The following PSD variants were observed in gnomAD, a reference collection of about 807,000 sequenced individuals.
PSD encodes the protein PH and SEC7 domain-containing protein 1.
A neutral mutation model predicts 91.6 loss-of-function variants in PSD; 32 were observed. The ratio of observed to expected loss-of-function variants is 0.35; its 90% CI spans 0.26 to 0.47. The LOEUF (loss-of-function observed/expected upper bound fraction) is 0.47, where lower values mean the gene tolerates loss of function less well. Among genes scored for constraint, PSD ranks in the 20% least tolerant of loss-of-function variants. The probability of loss-of-function intolerance (pLI) is 1.00; values close to 1 mark genes in which losing one functional copy is unlikely to be tolerated. For missense variants in PSD, 1,099 were observed against 1,373.9 expected (o/e 0.80, Z 3.16); for synonymous variants, 532 against 569.3 (o/e 0.93, Z 0.93).
rs769072324 is a variant in PSD, at chr10:102,412,260, C to T, written c.1749-33G>A. On this transcript the variant is annotated intron_variant, in intron 6 of 16. Transcript: ENST00000020673. ...CAGGGCAGAGAGACAGGTAGGGTCTCAAGGGGAAGTGCAGGGGGTCAGGTG... is the reference window on the plus strand; with the variant it reads ...CAGGGCAGAGAGACAGGTAGGGTCTTAAGGGGAAGTGCAGGGGGTCAGGTG... 3.1e-6 allele frequency: 5 copies of T among 1,613,202 alleles called. No individual in the cohort carries two copies. In the East Asian group the frequency reaches 8.9e-5, roughly 29 times the overall value.
upstream of PSD, chr10:102,418,943 C>A: frequency 2.9e-6 from 1 of 345,962 alleles, no homozygotes; most frequent in South Asian, 2.1e-5. Context: ...CTCCCGCCAA[C>A]CTAAGACCCG....
rs750056553 is a variant in PSD, at chr10:102,417,048, G to A, written c.-10C>T. ...TGGCACCCTGGGCCATGCTGGGGCC[G>A]GGGGTCAGGCTGGGGGGGCAGGGAT... On this transcript the variant is annotated 5_prime_UTR_variant, in exon 2 of 17. Coordinates refer to ENST00000020673, the MANE Select transcript of PSD (RefSeq NM_002779.5). The A allele has an allele frequency of 1.2e-5, 19 of 1,537,604 alleles. No individual in the cohort carries two copies. The highest frequency in any genetic ancestry group is 6.9e-5 in the African/African-American group (5 of 72,958).
Position 102,405,226 on chromosome 10 carries a change from C to T in PSD, c.2354G>A (p.Ser785Asn), listed in dbSNP as rs774886909. The T allele has an allele frequency of 1.2e-6, 2 of 1,610,952 alleles. No individual in the cohort carries two copies. The highest frequency in any genetic ancestry group is 1.1e-5 in the South Asian group (1 of 91,076). Reference protein sequence around the residue: ...KTPRGKRGWKSFHGILKGMIL... With the variant: ...KTPRGKRGWKNFHGILKGMIL... Reference sequence around the variant, plus strand: ...CATGCCCTTGAGGATCCCGTGGAAGCTCTTCCAGCCCCGCTTGCCCCGAGG... The same window carrying T: ...CATGCCCTTGAGGATCCCGTGGAAGTTCTTCCAGCCCCGCTTGCCCCGAGG... The change falls in exon 13 of 17, where the codon AGC (serine) becomes AAC (asparagine). Residue 785 changes from serine to asparagine, a missense_variant. This residue lies in a region of PSD where 358 missense variants were observed against 426.5 expected (regional missense o/e 0.84). Transcript: ENST00000020673. This position sits in a 1 kb window ranked among gnomAD's most constrained non-coding sequence, Gnocchi z 5.4.
Position 102,403,533 on chromosome 10 carries a change from G to T in PSD, c.2845-103C>A. The T allele has an allele frequency of 8.7e-7, 1 of 1,147,318 alleles. No homozygotes were observed. Among genetic ancestry groups the T allele is most frequent in the Non-Finnish European group, 1.2e-6 (1 of 819,240 alleles). 71.1% of individuals were successfully genotyped at this position (1,147,318 alleles called of 1,614,324 possible). A position where few individuals can be genotyped will look rare whatever the true frequency, so the allele number is the denominator to read the frequency against. ...GCCAGCAGGGCAGAAGATGGCAGGT[G>T]CCCACCCAGGACTGTGAGATGGTCC... On this transcript the variant is annotated intron_variant, in intron 16 of 16. Transcript: ENST00000020673. The surrounding 1 kb of genome is among the most constrained non-coding windows in gnomAD (Gnocchi z 6.7).
At position 102,405,690 on chromosome 10, in the gene PSD, C is replaced by G; in HGVS notation, c.2136-154G>C. 1 of 693,396 alleles carries G rather than the reference C, an allele frequency of 1.4e-6. No homozygotes were observed. The highest frequency in any genetic ancestry group is 2.4e-6 in the Non-Finnish European group (1 of 420,388). The allele number at this position is 693,396 out of a possible 1,614,324, so 43.0% of individuals were successfully genotyped here. A position where few individuals can be genotyped will look rare whatever the true frequency, so the allele number is the denominator to read the frequency against. On this transcript the variant is annotated intron_variant, in intron 11 of 16. Transcript: ENST00000020673. This position sits in a 1 kb window ranked among gnomAD's most constrained non-coding sequence, Gnocchi z 5.4. ...GCCATGTCTCCCGTCTCAGATCAGG[C>G]CTCCACAATGTGTAGCTGTGCCTCC...
Position 102,405,129 on chromosome 10 carries a change from C to T in PSD, c.2397+54G>A, listed in dbSNP as rs1157784241. On this transcript the variant is annotated intron_variant, in intron 13 of 16. Transcript: ENST00000020673. The surrounding 1 kb of genome is among the most constrained non-coding windows in gnomAD (Gnocchi z 5.4). ...CCCCTCCTATTCCCACCCATCACCC[C>T]ACACCCACCAGCCAACTCAGTCCCA... is the stretch of plus-strand genomic sequence containing the variant. 3.1e-6 allele frequency: 5 copies of T among 1,610,444 alleles called. No homozygotes were observed. In the African/African-American group the frequency reaches 6.7e-5, roughly 22 times the overall value.
chr10:102,405,143 A>G lies in PSD; in HGVS notation c.2397+40T>C. The G allele has an allele frequency of 6.2e-7, 1 of 1,608,820 alleles. No homozygotes were observed. ...ACCCATCACCCCACACCCACCAGCC[A>G]ACTCAGTCCCAGCCCCAGCCCCCTG... On this transcript the variant is annotated intron_variant, in intron 13 of 16. Coordinates refer to ENST00000020673, the MANE Select transcript of PSD (RefSeq NM_002779.5). This position sits in a 1 kb window ranked among gnomAD's most constrained non-coding sequence, Gnocchi z 5.4.
In PSD at chr10:102,403,475, C is replaced by T; in HGVS notation, c.2845-45G>A. On this transcript the variant is annotated intron_variant, in intron 16 of 16. Transcript: ENST00000020673. This position sits in a 1 kb window ranked among gnomAD's most constrained non-coding sequence, Gnocchi z 6.7. Reference sequence around the variant, plus strand: ...GCTGTGAGAGCCTCTTCTCTGCCTTCTGCCCACCCCACCATCTGGACCAGG... The same window carrying T: ...GCTGTGAGAGCCTCTTCTCTGCCTTTTGCCCACCCCACCATCTGGACCAGG... 1.3e-6 allele frequency: 2 copies of T among 1,527,292 alleles called. No individual in the cohort carries two copies. The highest frequency in any genetic ancestry group is 1.8e-6 in the Non-Finnish European group (2 of 1,131,394). The allele number at this position is 1,527,292 out of a possible 1,614,324, so 94.6% of individuals were successfully genotyped here.
In PSD at chr10:102,405,951, C is replaced by G. The variant is rs376422611; in HGVS notation, c.2136-415G>C. 1.7e-5 allele frequency: 3 copies of G among 180,734 alleles called. No homozygotes were observed. Among genetic ancestry groups the G allele is most frequent in the African/African-American group, 7.0e-5 (3 of 42,628 alleles). 11.2% of individuals were successfully genotyped at this position (180,734 alleles called of 1,614,324 possible). On this transcript the variant is annotated intron_variant, in intron 11 of 16. Transcript: ENST00000020673. This position sits in a 1 kb window ranked among gnomAD's most constrained non-coding sequence, Gnocchi z 5.4. ...GATGGAAGAAGTAGTTTCCTAGTGC[C>G]GCCCCCACCCCAACCCCATACATCC... is the stretch of plus-strand genomic sequence containing the variant.
intron 10 of PSD, among the ~76,000 whole-genome samples, chr10:102,408,079 T>C (rs1316591752): frequency 6.6e-6 from 1 of 152,138 alleles, no homozygotes; most frequent in Non-Finnish European, 1.5e-5. Flanking sequence ...TCCCCTCTTC[T>C]CCAGAGTGGT....
At position 102,410,803 on chromosome 10, in the gene PSD, G is replaced by A; in HGVS notation, c.2091+55C>T. On this transcript the variant is annotated intron_variant, in intron 10 of 16. Coordinates refer to ENST00000020673, the MANE Select transcript of PSD (RefSeq NM_002779.5). This position sits in a 1 kb window ranked among gnomAD's most constrained non-coding sequence, Gnocchi z 6.0. ...CCCTCCGACTCTGGACTCCGTCGCC[G>A]ACTGGGTCCTCCATCCTTCCCCTCC... The A allele has an allele frequency of 1.7e-6, 2 of 1,189,420 alleles. No individual in the cohort carries two copies. The highest frequency in any genetic ancestry group is 2.5e-6 in the Non-Finnish European group (2 of 806,632). The allele number at this position is 1,189,420 out of a possible 1,614,324, so 73.7% of individuals were successfully genotyped here.
upstream of PSD, chr10:102,419,613 A>AG: frequency 6.4e-6 from 1 of 157,234 alleles, no homozygotes; most frequent in South Asian, 1.5e-4. This position sits in a 1 kb window ranked among gnomAD's most constrained non-coding sequence, Gnocchi z 4.8. Flanking sequence ...TCGGGCAGTC[A>AG]GGGGGCGCGA....
rs2061352046 is a variant in PSD, at chr10:102,405,618, A to G, written c.2136-82T>C. The G allele has an allele frequency of 2.9e-6, 4 of 1,360,732 alleles. No homozygotes were observed. The highest frequency in any genetic ancestry group is 4.0e-6 in the Non-Finnish European group (4 of 1,007,104). The allele number at this position is 1,360,732 out of a possible 1,614,324, so 84.3% of individuals were successfully genotyped here. A position where few individuals can be genotyped will look rare whatever the true frequency, so the allele number is the denominator to read the frequency against. On this transcript the variant is annotated intron_variant, in intron 11 of 16. Coordinates refer to ENST00000020673, the MANE Select transcript of PSD (RefSeq NM_002779.5). The surrounding 1 kb of genome is among the most constrained non-coding windows in gnomAD (Gnocchi z 5.4). The stretch of plus-strand genomic sequence containing the variant: ...GTTCTGGCCTCTGCTCGCCCTGGAA[A>G]AGCTCCCCCAGTGTTTGTGGCTTGG...
Position 102,416,981 on chromosome 10 carries a change from G to A in PSD, c.58C>T (p.Arg20Ter), listed in dbSNP as rs2061489357. 2 of 1,598,796 alleles carry A rather than the reference G, an allele frequency of 1.3e-6. No individual in the cohort carries two copies. The highest frequency in any genetic ancestry group is 1.7e-6 in the Non-Finnish European group (2 of 1,179,000). Reference protein sequence around the residue: ...SEGDCAISPPRCPRRWLPEGP... With the variant: ...SEGDCAISPP ...TCGGGGAGCCAGCGGCGTGGGCATC[G>A]TGGTGGGGAGATGGCACAGTCGCCT... The change falls in exon 2 of 17, where the codon CGA (arginine) becomes TGA (stop). Residue 20 changes from arginine (R) to a stop codon, truncating the protein, a stop_gained. Coordinates refer to ENST00000020673, the MANE Select transcript of PSD (RefSeq NM_002779.5). LOFTEE classifies it high-confidence loss of function. The surrounding 1 kb of genome is among the most constrained non-coding windows in gnomAD (Gnocchi z 6.0).
At position 102,403,413 on chromosome 10, in the gene PSD, G is replaced by T. The variant is rs146785671; in HGVS notation, c.2862C>A (p.Thr954=). The change falls in exon 17 of 17, where the codon ACC becomes ACA. Residue 954 remains threonine (T), a synonymous_variant. Transcript: ENST00000020673. This position sits in a 1 kb window ranked among gnomAD's most constrained non-coding sequence, Gnocchi z 6.7. The part of the protein sequence containing the change: ...YLEFEKSRYS[T]YAALLRVKLK... The stretch of plus-strand genomic sequence containing the variant: ...GCTTGACCCGAAGCAGCGCTGCATA[G>T]GTGCTGTAGCGGGATTTCTGAGGCA... 3 of 1,610,406 alleles carry T rather than the reference G, an allele frequency of 1.9e-6. No individual in the cohort carries two copies. The highest frequency in any genetic ancestry group is 1.7e-5 in the Admixed American group (1 of 59,892).
chr10:102,419,011 TG>T (rs1315302925), upstream of PSD: 2 of 327,508 alleles, frequency 6.1e-6, no homozygotes, highest in African/African-American at 4.4e-5. This position sits in a 1 kb window ranked among gnomAD's most constrained non-coding sequence, Gnocchi z 4.8. Flanking sequence ...GACCCTCACG[TG>T]CCCCACCCCA....
Position 102,414,280 on chromosome 10 carries a change from T to G in PSD, c.1125-83A>C. 7.8e-7 allele frequency: 1 copy of G among 1,274,032 alleles called. No individual in the cohort carries two copies. Among genetic ancestry groups the G allele is most frequent in the Non-Finnish European group, 1.1e-6 (1 of 913,812 alleles). 78.9% of individuals were successfully genotyped at this position (1,274,032 alleles called of 1,614,324 possible). A position where few individuals can be genotyped will look rare whatever the true frequency, so the allele number is the denominator to read the frequency against. ...TTTCACTGAACTCTCACACTGACTC[T>G]GCTAAGGGGATTATCATCCCCTTTT... On this transcript the variant is annotated intron_variant, in intron 4 of 16. Transcript: ENST00000020673. This position sits in a 1 kb window ranked among gnomAD's most constrained non-coding sequence, Gnocchi z 5.6.
At position 102,414,089 on chromosome 10, in the gene PSD, C is replaced by A. The variant is rs1359264743; in HGVS notation, c.1233G>T (p.Glu411Asp). 1 of 1,614,164 alleles carries A rather than the reference C, an allele frequency of 6.2e-7. No individual in the cohort carries two copies. The highest frequency in any genetic ancestry group is 8.5e-7 in the Non-Finnish European group (1 of 1,180,002). ...AGGAGGTGCCTTTGGCCCGGTGTGA[C>A]TCCAGGATGGCTTCGAACACACAAC... ...SFSCVFEAIL[E>D]SHRAKGTSYT... is the part of the protein sequence containing the mutation. Residue 411 changes from glutamate to aspartate, a missense_variant, in exon 5 of 17, where the codon GAG becomes GAT. Transcript: ENST00000020673. The surrounding 1 kb of genome is among the most constrained non-coding windows in gnomAD (Gnocchi z 5.6).
chr10:102,412,693 A>C, intron 5 of PSD, 118 bp from the exon 6 acceptor site: 1 of 850,178 alleles, frequency 1.2e-6, no homozygotes. Context: ...GACATGGGGA[A>C]AGCATTCTTC....
Sources: gnomAD v4.1 joint callset for allele counts (sites outside exome capture counted in the v4.1 genomes callset) on GRCh38, gnomAD v4.1.1 for gene constraint, gnomAD v4.1.1 regional missense constraint, Gnocchi (gnomAD v3.1) non-coding constraint, MANE v1.5 for transcripts, NCBI Gene and HGNC (gene_info 2026-07-23, HGNC 2026-07-21) for gene names.